The following MARCHF8 variants were observed in gnomAD, a reference collection of about 807,000 sequenced individuals.
MARCHF8 encodes E3 ubiquitin-protein ligase MARCHF8.
Under a neutral mutation model 51.6 loss-of-function variants are expected in MARCHF8, and 40 were observed. That is an observed-to-expected ratio of 0.77 (90% CI 0.60 to 1.01). The LOEUF (loss-of-function observed/expected upper bound fraction) is 1.01, where lower values mean the gene tolerates loss of function less well. Among genes scored for constraint, MARCHF8 ranks in the 50% least tolerant of loss-of-function variants. The probability of loss-of-function intolerance (pLI) is 0.00; values close to 1 mark genes in which losing one functional copy is unlikely to be tolerated. For synonymous variants in MARCHF8, 263 were observed against 280.3 expected (o/e 0.94, Z 0.62); for missense variants, 685 against 708.6 (o/e 0.97, Z 0.38).
intron 1 of MARCHF8, among the ~76,000 whole-genome samples, chr10:45,584,126 C>CATATATATATATATATATAT (rs55978063): frequency 1.2e-5 from 1 of 85,366 alleles, no homozygotes; most frequent in Non-Finnish European, 2.3e-5. Flanking sequence ...TATATACAAT[C>CATATATATATATATATATAT]ATATATATAT....
At chr10:45,471,274 G>A (rs2132984204) in intron 3 of MARCHF8, among the ~76,000 whole-genome samples, 1 of 152,248 alleles carries the variant, frequency 6.6e-6, no homozygotes, top group Admixed American at 6.5e-5. Context: ...AACAATGAGG[G>A]GAATATATTA....
At chr10:45,555,315 C>T (rs1453159664) in intron 1 of MARCHF8, among the ~76,000 whole-genome samples, 1 of 151,574 alleles carries the variant, frequency 6.6e-6, no homozygotes, top group Non-Finnish European at 1.5e-5. Context: ...TCCCAGCTAC[C>T]TGGGAGGGTA....
intron 1 of MARCHF8, among the ~76,000 whole-genome samples, chr10:45,549,398 A>G (rs1302387847): frequency 6.6e-6 from 1 of 152,200 alleles, no homozygotes; most frequent in Non-Finnish European, 1.5e-5. Flanking sequence ...CTGACTTACA[A>G]AGGCTGCTTC....
intron 1 of MARCHF8, among the ~76,000 whole-genome samples, chr10:45,573,589 C>T (rs1289994446): frequency 6.6e-6 from 1 of 152,192 alleles, no homozygotes; most frequent in African/African-American, 2.4e-5. Flanking sequence ...ATCCAACTCG[C>T]CCAGCAGCCA....
At chr10:45,469,588 A>G (rs971397435) in intron 3 of MARCHF8, among the ~76,000 whole-genome samples, 1 of 152,188 alleles carries the variant, frequency 6.6e-6, no homozygotes, top group Non-Finnish European at 1.5e-5. Context: ...ACTTCTGGCC[A>G]GGCGCGGTGG....
intron 1 of MARCHF8, among the ~76,000 whole-genome samples, chr10:45,590,895 G>A (rs142512127): frequency 0.024 from 3,649 of 152,242 alleles, 132 homozygotes; most frequent in African/African-American, 0.079. Context: ...CAGATGGCCT[G>A]AAGCAACTGA....
intron 2 of MARCHF8, among the ~76,000 whole-genome samples, chr10:45,516,970 T>C (rs2043629984): frequency 6.6e-6 from 1 of 152,248 alleles, no homozygotes; most frequent in Non-Finnish European, 1.5e-5. Context: ...TATATGTATG[T>C]ACCTCCTTAT....
chr10:45,461,405 G>T lies in MARCHF8; in HGVS notation c.1095C>A (p.Cys365Ter). 1 of 1,568,634 alleles carries T rather than the reference G, an allele frequency of 6.4e-7. No homozygotes were observed. Among genetic ancestry groups the T allele is most frequent in the Non-Finnish European group, 8.6e-7 (1 of 1,159,776 alleles). The change falls in exon 6 of 8, where the codon TGC (cysteine) becomes TGA (stop). Residue 365 changes from cysteine (C) to a stop codon, truncating the protein, a stop_gained. Transcript: ENST00000453424. LOFTEE classifies it high-confidence loss of function. ...VSTSGDVCRI[C>*]HCEGDDESPL... is the part of the protein sequence containing the mutation. ...GGCTCTCATCATCTCCTTCACAGTG[G>T]CAGATCCTATGGTGGAAGGAAAACC...
chr10:45,476,197 T>A (rs1384911674), intron 3 of MARCHF8, among the ~76,000 whole-genome samples: 1 of 152,110 alleles, frequency 6.6e-6, no homozygotes, highest in Non-Finnish European at 1.5e-5. Flanking sequence ...AACCCAATAA[T>A]TCTCCAGCAA....
chr10:45,552,473 A>C (rs1473204537), intron 1 of MARCHF8, among the ~76,000 whole-genome samples: 3 of 152,348 alleles, frequency 2.0e-5, no homozygotes, highest in East Asian at 3.9e-4. Flanking sequence ...ACCAAATTTA[A>C]AGTAATATAA....
At chr10:45,486,769 C>T (rs1736723010) in intron 3 of MARCHF8, among the ~76,000 whole-genome samples, 2 of 150,490 alleles carry the variant, frequency 1.3e-5, no homozygotes, top group African/African-American at 4.9e-5. Flanking sequence ...AATCCCAAGA[C>T]TCGGAACAAC....
Position 45,531,859 on chromosome 10 carries a change from G to C in MARCHF8, c.102+1251C>G, listed in dbSNP as rs191058732. On this transcript the variant is annotated intron_variant, in intron 2 of 7. Transcript: ENST00000453424. ...CAGAAATCATAGCAAAAGATTTTGG[G>C]TTGAACCTGTGCCAGGAAAAACTGC... Among the ~76,000 whole-genome samples the C allele has an allele frequency of 2.3e-3, 355 of 152,254 alleles. 2 individuals are homozygous for C. The highest frequency in any genetic ancestry group is 2.1e-3 in the Non-Finnish European group (142 of 68,020).
chr10:45,528,517 T>A (rs936002074), intron 2 of MARCHF8, among the ~76,000 whole-genome samples: 1 of 152,200 alleles, frequency 6.6e-6, no homozygotes, highest in African/African-American at 2.4e-5. Context: ...TGGAGCACAG[T>A]GGCGCAGTCA....
chr10:45,504,915 A>G (rs1423164976), intron 2 of MARCHF8, among the ~76,000 whole-genome samples: 3 of 152,202 alleles, frequency 2.0e-5, no homozygotes, highest in Admixed American at 6.5e-5. Flanking sequence ...GCCAGAGATC[A>G]TTAACAATTC....
chr10:45,558,376 A>G (rs1444799727), intron 1 of MARCHF8, among the ~76,000 whole-genome samples: 2 of 152,210 alleles, frequency 1.3e-5, no homozygotes, highest in East Asian at 3.8e-4. Context: ...ACAACATGGT[A>G]TCTGTCATTC....
At chr10:45,503,050 C>T (rs543855244) in intron 2 of MARCHF8, among the ~76,000 whole-genome samples, 7 of 152,120 alleles carry the variant, frequency 4.6e-5, no homozygotes, top group East Asian at 3.9e-4. Flanking sequence ...TATATTTTAG[C>T]GAAGTTTCTA....
intron 3 of MARCHF8, among the ~76,000 whole-genome samples, chr10:45,488,004 G>A (rs950512750): frequency 6.6e-6 from 1 of 152,080 alleles, no homozygotes; most frequent in Non-Finnish European, 1.5e-5. Context: ...TATGGCGAAG[G>A]GGTTGGCCAG....
At chr10:45,584,884 A>C (rs1589196246) in intron 1 of MARCHF8, among the ~76,000 whole-genome samples, 1 of 152,350 alleles carries the variant, frequency 6.6e-6, no homozygotes, top group East Asian at 1.9e-4. Flanking sequence ...GGCCTGTAGA[A>C]GCTGAGAACG....
chr10:45,521,032 A>T (rs538232324), intron 2 of MARCHF8, among the ~76,000 whole-genome samples: 1 of 152,350 alleles, frequency 6.6e-6, no homozygotes, highest in South Asian at 2.1e-4. Context: ...GCTAAAAAAA[A>T]TAATCAACTT....
Sources: gnomAD v4.1 joint callset for allele counts (sites outside exome capture counted in the v4.1 genomes callset) on GRCh38, gnomAD v4.1.1 for gene constraint, MANE v1.5 for transcripts, NCBI Gene and HGNC (gene_info 2026-07-23, HGNC 2026-07-21) for gene names.